Variants in FHOD3 observed in about 807,000 individuals in gnomAD.
FHOD3 encodes formin homology 2 domain containing 3, also known as FH1/FH2 domain-containing protein 3.
In FHOD3, 90 loss-of-function variants were observed where a neutral mutation model predicts 173.0. The observed-to-expected ratio is 0.52, with a 90% CI of 0.44 to 0.62. FHOD3 has a LOEUF of 0.62. Ranked by LOEUF, FHOD3 falls within the 20% of genes least tolerant of loss-of-function variation. The pLI, the probability that FHOD3 is intolerant of heterozygous loss-of-function variation, is 0.00. For missense variants in FHOD3, 1,945 were observed against 2,034.7 expected, an observed-to-expected ratio of 0.96 and a Z score of 0.85; for synonymous variants, 828 against 823.0, an observed-to-expected ratio of 1.01 and a Z score of -0.10.
At chr18:36,745,481 G>A (rs1036994832) in intron 23 of FHOD3, among the ~76,000 whole-genome samples, 1 of 152,130 alleles carries the variant, frequency 6.6e-6, no homozygotes, top group Non-Finnish European at 1.5e-5. Context: ...CACCAGACAC[G>A]ACACTGCGTG....
chr18:36,576,424 G>T, intron 5 of FHOD3, 27 bp from the exon 6 acceptor site: 1 of 1,524,234 alleles, frequency 6.6e-7, no homozygotes, highest in Non-Finnish European at 9.1e-7. Context: ...CATCTATAAT[G>T]TCTCCTTTTT....
At chr18:36,622,665 G>C (rs527250497) in intron 9 of FHOD3, among the ~76,000 whole-genome samples, 9 of 152,166 alleles carry the variant, frequency 5.9e-5, no homozygotes, top group African/African-American at 7.2e-5. Context: ...GTGCTCCCAC[G>C]GAGGATACTC....
intron 20 of FHOD3, among the ~76,000 whole-genome samples, chr18:36,736,791 A>T (rs1048595560): frequency 6.6e-6 from 1 of 152,258 alleles, no homozygotes; most frequent in Middle Eastern, 3.4e-3. Flanking sequence ...GAAAATAGGG[A>T]TGTAAAGTTC....
chr18:36,599,205 C>T (rs2030975950), intron 7 of FHOD3, among the ~76,000 whole-genome samples: 1 of 152,310 alleles, frequency 6.6e-6, no homozygotes, highest in South Asian at 2.1e-4. Flanking sequence ...ACAGGTTTGC[C>T]TCTCCCACAG....
intron 1 of FHOD3, among the ~76,000 whole-genome samples, chr18:36,321,345 G>T (rs1568119216): frequency 6.6e-6 from 1 of 151,380 alleles, no homozygotes; most frequent in East Asian, 1.9e-4. Context: ...GGTAAATAAT[G>T]AGATGGGGGT....
intron 14 of FHOD3, among the ~76,000 whole-genome samples, chr18:36,680,737 ACATAGAATGT>A (rs2038180663): frequency 6.6e-6 from 1 of 152,234 alleles, no homozygotes; most frequent in African/African-American, 2.4e-5. Flanking sequence ...ATGCTTCTTG[ACATAGAATGT>A]CATAGAATGA....
At chr18:36,745,291 C>T (rs1002354976) in intron 23 of FHOD3, among the ~76,000 whole-genome samples, 29 of 152,192 alleles carry the variant, frequency 1.9e-4, no homozygotes, top group African/African-American at 7.0e-4. Flanking sequence ...CATGAGAAAG[C>T]GAAGCCTTTC....
intron 20 of FHOD3, 109 bp from the exon 21 acceptor site, chr18:36,740,547 T>TACAG (rs2041852892): frequency 8.9e-7 from 1 of 1,125,972 alleles, no homozygotes; most frequent in Non-Finnish European, 1.3e-6. Context: ...CACCTGTACA[T>TACAG]ACCTCTACTA....
intron 3 of FHOD3, among the ~76,000 whole-genome samples, chr18:36,440,435 G>A (rs1304963112): frequency 2.0e-5 from 3 of 152,224 alleles, no homozygotes; most frequent in Non-Finnish European, 2.9e-5. Flanking sequence ...GCCACACGTC[G>A]GGGAGGGAAA....
At chr18:36,405,020 G>A (rs2048992969) in intron 3 of FHOD3, among the ~76,000 whole-genome samples, 1 of 152,140 alleles carries the variant, frequency 6.6e-6, no homozygotes, top group Non-Finnish European at 1.5e-5. Flanking sequence ...ATCCTACCAG[G>A]TGACCAGGGC....
chr18:36,652,837 GC>G lies in FHOD3; in HGVS notation c.1558del (p.His520ThrfsTer37), dbSNP rs2036157219. 1 of 1,535,930 alleles carries G rather than the reference GC, an allele frequency of 6.5e-7. No homozygotes were observed. The highest frequency in any genetic ancestry group is 8.7e-7 in the Non-Finnish European group (1 of 1,146,728). On this transcript the variant is annotated frameshift_variant, in exon 12 of 29. Coordinates refer to ENST00000590592, the MANE Select transcript of FHOD3 (RefSeq NM_001281740.3). LOFTEE classifies it high-confidence loss of function. ...CGACCATAGACAAGCTGCCCTACGT[GC>G]CCCACAGCCCCTTCCACCTCTTCTC... ...SPTIDKLPYV[P>X]HSPFHLFSYD...
At chr18:36,364,045 T>A (rs2036789387) in intron 2 of FHOD3, among the ~76,000 whole-genome samples, 1 of 152,142 alleles carries the variant, frequency 6.6e-6, no homozygotes, top group Non-Finnish European at 1.5e-5. Flanking sequence ...CCTGGGCTTG[T>A]TTTATCTTTA....
At chr18:36,546,794 G>A (rs1370753514) in intron 5 of FHOD3, among the ~76,000 whole-genome samples, 2 of 152,186 alleles carry the variant, frequency 1.3e-5, no homozygotes, top group African/African-American at 2.4e-5. Context: ...CGTAGGCAGC[G>A]TGTGGAGTTT....
intron 3 of FHOD3, among the ~76,000 whole-genome samples, chr18:36,374,465 A>G (rs890569845): frequency 4.6e-5 from 7 of 152,262 alleles, no homozygotes; most frequent in Admixed American, 2.6e-4. Flanking sequence ...ATATTTCATA[A>G]ACTAATTAAA....
At chr18:36,699,521 G>A (rs2149558808) in intron 17 of FHOD3, among the ~76,000 whole-genome samples, 1 of 152,298 alleles carries the variant, frequency 6.6e-6, no homozygotes, top group East Asian at 1.9e-4. Flanking sequence ...GTGGTACTTT[G>A]AATTTCCAGA....
At chr18:36,320,536 G>T (rs1055992802) in intron 1 of FHOD3, among the ~76,000 whole-genome samples, 2 of 152,178 alleles carry the variant, frequency 1.3e-5, no homozygotes, top group African/African-American at 2.4e-5. Flanking sequence ...TGGATTCACA[G>T]CCAAATTCTA....
At chr18:36,537,104 T>C (rs1473311397) in intron 5 of FHOD3, among the ~76,000 whole-genome samples, 1 of 152,202 alleles carries the variant, frequency 6.6e-6, no homozygotes, top group African/African-American at 2.4e-5. Flanking sequence ...TCAGGCTTAG[T>C]GTGGATAGCT....
intron 3 of FHOD3, among the ~76,000 whole-genome samples, chr18:36,459,901 A>C (rs78739907): frequency 0.025 from 3,766 of 152,180 alleles, 57 homozygotes; most frequent in Non-Finnish European, 0.038. Flanking sequence ...CCAGGACCCC[A>C]CATTACAATG....
chr18:36,553,389 G>C (rs1328635332), intron 5 of FHOD3, among the ~76,000 whole-genome samples: 1 of 152,204 alleles, frequency 6.6e-6, no homozygotes, highest in Non-Finnish European at 1.5e-5. Context: ...GTTTCAGAAG[G>C]AATGGTACCA....
Sources: gnomAD v4.1 joint callset for allele counts (sites outside exome capture counted in the v4.1 genomes callset) on GRCh38, gnomAD v4.1.1 for gene constraint, MANE v1.5 for transcripts, NCBI Gene and HGNC (gene_info 2026-07-23, HGNC 2026-07-21) for gene names.